The following PPM1N variants were observed in gnomAD, a reference collection of about 807,000 sequenced individuals.
PPM1N encodes probable protein phosphatase 1N.
PPM1N carries 35 observed loss-of-function variants against 32.6 expected under a neutral mutation model. The ratio of observed to expected loss-of-function variants is 1.07; its 90% CI spans 0.82 to 1.43. The LOEUF is 1.43. Among genes scored for constraint, PPM1N ranks in the 40% most tolerant of loss-of-function variants. The pLI, the probability that PPM1N is intolerant of heterozygous loss-of-function variation, is 0.00. For missense variants in PPM1N, 648 were observed against 606.6 expected, an observed-to-expected ratio of 1.07 and a Z score of -0.72; for synonymous variants, 275 against 270.5, an observed-to-expected ratio of 1.02 and a Z score of -0.16.
In PPM1N at chr19:45,499,067, G is replaced by C; in HGVS notation, c.595G>C (p.Asp199His). 6.6e-7 allele frequency: 1 copy of C among 1,525,974 alleles called. No homozygotes were observed. Among genetic ancestry groups the C allele is most frequent in the South Asian group, 1.2e-5 (1 of 80,824 alleles). The allele number at this position is 1,525,974 out of a possible 1,614,324, so 94.5% of individuals were successfully genotyped here. ...RAGAVAFSTE[D>H]HRPLRPRERE... ...TGGCGCCGTGGCCTTCAGCACAGAG[G>C]ACCACCGGCCCCTTCGACCCCGGGA... The change falls in exon 1 of 5, where the codon GAC (aspartate) becomes CAC (histidine). Residue 199 changes from aspartate (D) to histidine (H), a missense_variant. Coordinates refer to ENST00000451287, the MANE Select transcript of PPM1N (RefSeq NM_001080401.2).
intron 4 of PPM1N, among the ~76,000 whole-genome samples, chr19:45,501,792 C>A (rs1484848172): frequency 2.6e-5 from 4 of 152,136 alleles, no homozygotes; most frequent in African/African-American, 9.7e-5. Context: ...GGAGTTGCAG[C>A]AGTGGTCTTT....
chr19:45,502,189 A>C lies in PPM1N; in HGVS notation c.*104A>C, dbSNP rs756138886. 14 of 851,258 alleles carry C rather than the reference A, an allele frequency of 1.6e-5. No homozygotes were observed. Among genetic ancestry groups the C allele is most frequent in the African/African-American group, 3.4e-5 (2 of 58,044 alleles). The allele number at this position is 851,258 out of a possible 1,614,324, so 52.7% of individuals were successfully genotyped here. On this transcript the variant is annotated 3_prime_UTR_variant, in exon 5 of 5. Coordinates refer to ENST00000451287, the MANE Select transcript of PPM1N (RefSeq NM_001080401.2). ...CTACATGTACCAGCGGAAGGAAGGA[A>C]GGCCAATGTAGGAACCCAAAATGCT...
rs761323361 is a variant in PPM1N, at chr19:45,502,177, C to T, written c.*92C>T. The T allele has an allele frequency of 4.9e-6, 5 of 1,015,228 alleles. No homozygotes were observed. The East Asian group carries it at 1.0e-4, about 21-fold the overall frequency. 62.9% of individuals were successfully genotyped at this position (1,015,228 alleles called of 1,614,324 possible). A position where few individuals can be genotyped will look rare whatever the true frequency, so the allele number is the denominator to read the frequency against. ...CCCTTTCCCCAACTACATGTACCAGCGGAAGGAAGGAAGGCCAATGTAGGA... is the reference window on the plus strand; with the variant it reads ...CCCTTTCCCCAACTACATGTACCAGTGGAAGGAAGGAAGGCCAATGTAGGA... On this transcript the variant is annotated 3_prime_UTR_variant, in exon 5 of 5. Coordinates refer to ENST00000451287, the MANE Select transcript of PPM1N (RefSeq NM_001080401.2).
In PPM1N at chr19:45,500,559, C is replaced by A. The variant is rs901640440; in HGVS notation, c.1161C>A (p.Cys387Ter). 1 of 1,514,060 alleles carries A rather than the reference C, an allele frequency of 6.6e-7. No homozygotes were observed. The highest frequency in any genetic ancestry group is 9.1e-7 in the Non-Finnish European group (1 of 1,094,308). 93.8% of individuals were successfully genotyped at this position (1,514,060 alleles called of 1,614,324 possible). ...TACCTCCTGGGGGAGGGCTGGACTG[C>A]AAGTGAGTTGGGGTGAGGAAGGGTG... The part of the protein sequence containing the change: ...PDLPPGGGLD[C>*]KATVIAEVYS... The change falls in exon 3 of 5, where the codon TGC (cysteine) becomes TGA (stop). Residue 387 changes from cysteine to a stop codon, truncating the protein, a stop_gained and splice_region_variant. Coordinates refer to ENST00000451287, the MANE Select transcript of PPM1N (RefSeq NM_001080401.2). LOFTEE classifies it high-confidence loss of function.
At chr19:45,499,684 C>T (rs929332824) in intron 1 of PPM1N, 126 of 1,547,312 alleles carry the variant, frequency 8.1e-5, no homozygotes, top group Non-Finnish European at 1.0e-4. Context: ...TCGTAGGAGC[C>T]GGGCCGGAAG....
chr19:45,502,125 C>G lies in PPM1N; in HGVS notation c.*40C>G. 1 of 1,476,558 alleles carries G rather than the reference C, an allele frequency of 6.8e-7. No homozygotes were observed. The highest frequency in any genetic ancestry group is 9.4e-7 in the Non-Finnish European group (1 of 1,067,122). The allele number at this position is 1,476,558 out of a possible 1,614,324, so 91.5% of individuals were successfully genotyped here. On this transcript the variant is annotated 3_prime_UTR_variant, in exon 5 of 5. Coordinates refer to ENST00000451287, the MANE Select transcript of PPM1N (RefSeq NM_001080401.2). Reference sequence around the variant, plus strand: ...TGGGGATCCTTTGCTTCTCTGGGGCCTCAACAGAACTAAAGAAGAAAACCG... The same window carrying G: ...TGGGGATCCTTTGCTTCTCTGGGGCGTCAACAGAACTAAAGAAGAAAACCG...
rs1173456044 is a variant in PPM1N at position 45,499,101 on chromosome 19, GCATCCACGCCGCTGGCGGCAC to G, written c.635_655del (p.His212_Ile218del). 1 of 1,514,144 alleles carries G rather than the reference GCATCCACGCCGCTGGCGGCAC, an allele frequency of 6.6e-7. No homozygotes were observed. The highest frequency in any genetic ancestry group is 8.8e-7 in the Non-Finnish European group (1 of 1,141,368). The allele number at this position is 1,514,144 out of a possible 1,614,324, so 93.8% of individuals were successfully genotyped here. ...CCCCTTCGACCCCGGGAACGCGAGCGCATCCACGCCGCTGGCGGCACCATCCGCCGCCGCCGCGTCGAGGGC... is the reference window on the plus strand; with the variant it reads ...CCCCTTCGACCCCGGGAACGCGAGCGCATCCGCCGCCGCCGCGTCGAGGGC... On this transcript the variant is annotated inframe_deletion, in exon 1 of 5. Coordinates refer to ENST00000451287, the MANE Select transcript of PPM1N (RefSeq NM_001080401.2).
chr19:45,499,771 C>T, intron 1 of PPM1N, 178 bp from the exon 2 acceptor site: 1 of 1,506,760 alleles, frequency 6.6e-7, no homozygotes, highest in South Asian at 1.3e-5. Context: ...GCATTGTTCT[C>T]TCAATTGGGA....
Position 45,499,049 on chromosome 19 carries a change from G to GT in PPM1N, c.578dup (p.Ala194GlyfsTer72). On this transcript the variant is annotated frameshift_variant, in exon 1 of 5. Coordinates refer to ENST00000451287, the MANE Select transcript of PPM1N (RefSeq NM_001080401.2). LOFTEE classifies it high-confidence loss of function. The stretch of plus-strand genomic sequence containing the variant: ...CGCGGTGCTGAGCCGCGCTGGCGCC[G>GT]TGGCCTTCAGCACAGAGGACCACCG... 1 of 1,533,950 alleles carries GT rather than the reference G, an allele frequency of 6.5e-7. No individual in the cohort carries two copies. The highest frequency in any genetic ancestry group is 8.7e-7 in the Non-Finnish European group (1 of 1,151,374).
Position 45,499,951 on chromosome 19 carries a change from C to T in PPM1N, c.942C>T (p.Gly314=). 4 of 1,578,708 alleles carry T rather than the reference C, an allele frequency of 2.5e-6. No individual in the cohort carries two copies. The highest frequency in any genetic ancestry group is 3.4e-6 in the Non-Finnish European group (4 of 1,161,136). Residue 314 remains glycine (G), a splice_region_variant and synonymous_variant, in exon 2 of 5, where the codon GGC becomes GGT. Coordinates refer to ENST00000451287, the MANE Select transcript of PPM1N (RefSeq NM_001080401.2). ...AQLLDTCLCK[G]SLDNMTCILV... ...TCCTTTTTCTCCACCGGCTTCAGGG[C>T]AGCCTGGACAACATGACCTGCATCC... is the stretch of plus-strand genomic sequence containing the variant.
chr19:45,501,854 G>A (rs1389569320), intron 4 of PPM1N, among the ~76,000 whole-genome samples, 163 bp from the exon 5 acceptor site: 1 of 152,118 alleles, frequency 6.6e-6, no homozygotes, highest in South Asian at 2.1e-4. Context: ...CAGTCACTGT[G>A]TCTGATTGGC....
Position 45,499,723 on chromosome 19 carries a change from C to A in PPM1N, c.940-226C>A, listed in dbSNP as rs868568874. The A allele has an allele frequency of 3.2e-6, 5 of 1,542,272 alleles. No individual in the cohort carries two copies. The African/African-American group carries it at 4.1e-5, about 13-fold the overall frequency. On this transcript the variant is annotated intron_variant, in intron 1 of 4. Coordinates refer to ENST00000451287, the MANE Select transcript of PPM1N (RefSeq NM_001080401.2). Reference sequence around the variant, plus strand: ...TGATTAGTGCTGGAAGGTGGAAGAGCAGGTAAACATCAGAGCGGGCGGAGC... The same window carrying A: ...TGATTAGTGCTGGAAGGTGGAAGAGAAGGTAAACATCAGAGCGGGCGGAGC...
chr19:45,498,606 T>C lies in PPM1N; in HGVS notation c.134T>C (p.Leu45Pro). 6.9e-7 allele frequency: 1 copy of C among 1,441,794 alleles called. No homozygotes were observed. Among genetic ancestry groups the C allele is most frequent in the Non-Finnish European group, 9.1e-7 (1 of 1,101,968 alleles). The allele number at this position is 1,441,794 out of a possible 1,614,324, so 89.3% of individuals were successfully genotyped here. The change falls in exon 1 of 5, where the codon CTG (leucine) becomes CCG (proline). Residue 45 changes from leucine (L) to proline (P), a missense_variant. By Grantham distance (98) the Leu-to-Pro change is moderately conservative. Transcript: ENST00000451287. ...AGGGCCCCCGAAGGGCCTCGGTCTC[T>C]GTTGACAGCGCCGCGCCGCGCCCAG... ...GRRAPEGPRS[L>P]LTAPRRAQRP... is the part of the protein sequence containing the mutation.
chr19:45,498,661 G>T lies in PPM1N; in HGVS notation c.189G>T (p.Gly63=). The part of the protein sequence containing the change: ...QRPHGGAEAS[G]GLRFGASAAQ... ...CGCACGGGGGTGCCGAGGCGTCTGG[G>T]GGCCTGCGCTTCGGGGCGAGCGCAG... The change falls in exon 1 of 5, where the codon GGG becomes GGT. Residue 63 remains glycine (G), a synonymous_variant. Transcript: ENST00000451287. 1 of 1,432,102 alleles carries T rather than the reference G, an allele frequency of 7.0e-7. No individual in the cohort carries two copies. 88.7% of individuals were successfully genotyped at this position (1,432,102 alleles called of 1,614,324 possible). A position where few individuals can be genotyped will look rare whatever the true frequency, so the allele number is the denominator to read the frequency against.
At chr19:45,499,558 A>C in intron 1 of PPM1N, 147 bp downstream of exon 1, 2 of 1,550,222 alleles carry the variant, frequency 1.3e-6, no homozygotes, top group Non-Finnish European at 1.7e-6. Flanking sequence ...CGTGGCCTGA[A>C]GTGGGCAGGG....
chr19:45,499,488 G>A lies in PPM1N; in HGVS notation c.939+77G>A, dbSNP rs781484985. The A allele has an allele frequency of 2.1e-4, 334 of 1,591,156 alleles. 1 individual carries two copies. The highest frequency in any genetic ancestry group is 2.7e-4 in the Non-Finnish European group (310 of 1,168,798). On this transcript the variant is annotated intron_variant, in intron 1 of 4. Transcript: ENST00000451287. ...GAGCCTCGGGGTTTTGGGGAGGAGG[G>A]CTTTGATAGAGAGGCAAGAGTAAAG...
rs973517228 is a variant in PPM1N at position 45,502,329 on chromosome 19, A to G, written c.*244A>G. ...AATCGAAAAAAAAAAAAAAAAAAAA[A>G]AAAAACAAAAAAACCCAACCAAATG... On this transcript the variant is annotated 3_prime_UTR_variant, in exon 5 of 5. Coordinates refer to ENST00000451287, the MANE Select transcript of PPM1N (RefSeq NM_001080401.2). 2.1e-6 allele frequency: 1 copy of G among 465,718 alleles called. No individual in the cohort carries two copies. 28.8% of individuals were successfully genotyped at this position (465,718 alleles called of 1,614,324 possible).
chr19:45,499,843 A>G (rs2122247041), intron 1 of PPM1N, 106 bp from the exon 2 acceptor site: 4 of 1,504,170 alleles, frequency 2.7e-6, no homozygotes, highest in Middle Eastern at 2.0e-4. Flanking sequence ...GACGCGAAAG[A>G]AATGGGCATA....
Position 45,498,688 on chromosome 19 carries a change from G to A in PPM1N, c.216G>A (p.Ala72=), listed in dbSNP as rs1189899493. ...SGGLRFGASA[A]QGWRARMEDA... The stretch of plus-strand genomic sequence containing the variant: ...GCCTGCGCTTCGGGGCGAGCGCAGC[G>A]CAAGGCTGGCGCGCGCGCATGGAGG... The change falls in exon 1 of 5, where the codon GCG becomes GCA. Residue 72 remains alanine, a synonymous_variant. Coordinates refer to ENST00000451287, the MANE Select transcript of PPM1N (RefSeq NM_001080401.2). The A allele has an allele frequency of 4.7e-6, 7 of 1,478,578 alleles. No homozygotes were observed. Among genetic ancestry groups the A allele is most frequent in the South Asian group, 1.3e-5 (1 of 74,726 alleles). 91.6% of individuals were successfully genotyped at this position (1,478,578 alleles called of 1,614,324 possible).
Sources: allele counts gnomAD v4.1 joint callset (sites outside exome capture counted in the v4.1 genomes callset), GRCh38; gene constraint gnomAD v4.1.1; transcripts MANE v1.5; gene names NCBI Gene and HGNC (gene_info 2026-07-23, HGNC 2026-07-21).